SQOR: variants seen among roughly 807,000 people sequenced by gnomAD.
The protein encoded by SQOR is sulfide:quinone oxidoreductase, mitochondrial.
A neutral mutation model predicts 48.6 loss-of-function variants in SQOR; 39 were observed. The observed-to-expected ratio is 0.80, with a 90% confidence interval of 0.62 to 1.05. The LOEUF is 1.05. Among genes scored for constraint, SQOR ranks in the 50% least tolerant of loss-of-function variants. The pLI is 0.00. For missense variants in SQOR, 561 were observed against 559.9 expected (o/e 1.00, Z -0.02); for synonymous variants, 220 against 206.2 (o/e 1.07, Z -0.57).
Position 45,676,184 on chromosome 15 carries a change from G to A in SQOR, c.738G>A (p.Leu246=). The change falls in exon 6 of 10, where the codon CTG becomes CTA. Residue 246 remains leucine, a synonymous_variant. Transcript: ENST00000260324. ...IFGVKKYADA[L]QEIIQERNLT... is the part of the protein sequence containing the mutation. ...GGGTTAAGAAGTATGCAGATGCCCT[G>A]CAGGAGATCATCCAGGAGCGGAACC... 4.3e-6 allele frequency: 7 copies of A among 1,614,196 alleles called. No homozygotes were observed. The highest frequency in any genetic ancestry group is 5.9e-6 in the Non-Finnish European group (7 of 1,180,044).
In SQOR at chr15:45,683,629, A is replaced by G. The variant is rs183178504; in HGVS notation, c.1048+968A>G. 6.3e-4 allele frequency among the ~76,000 whole-genome samples: 96 copies of G among 152,258 alleles called. 1 individual carries two copies. The East Asian group carries it at 0.014, about 22-fold the overall frequency. On this transcript the variant is annotated intron_variant, in intron 7 of 9. Coordinates refer to ENST00000260324, the MANE Select transcript of SQOR (RefSeq NM_021199.4). ...ACAGATTGTGTTACTTTTGCTGACTATTTCAACCTCAAGGTAGACCATCTA... is the reference window on the plus strand; with the variant it reads ...ACAGATTGTGTTACTTTTGCTGACTGTTTCAACCTCAAGGTAGACCATCTA...
intron 4 of SQOR, among the ~76,000 whole-genome samples, chr15:45,670,855 CGTGA>C (rs1204206672): frequency 2.6e-5 from 4 of 152,062 alleles, no homozygotes; most frequent in African/African-American, 9.7e-5. Flanking sequence ...TGCCATGGGT[CGTGA>C]GTCTGTTAGA....
intron 1 of SQOR, among the ~76,000 whole-genome samples, chr15:45,656,297 ATTAATT>A (rs1889609860): frequency 6.6e-6 from 1 of 152,088 alleles, no homozygotes; most frequent in African/African-American, 2.4e-5. Flanking sequence ...TTTTATTAAT[ATTAATT>A]TTATTTATTT....
chr15:45,687,335 C>T (rs1452296874), intron 7 of SQOR, among the ~76,000 whole-genome samples: 1 of 152,232 alleles, frequency 6.6e-6, no homozygotes, highest in African/African-American at 2.4e-5. Context: ...TGGTCTTGAA[C>T]TCCTGACCTC....
chr15:45,657,545 G>T (rs572178974), intron 1 of SQOR, among the ~76,000 whole-genome samples: 4 of 152,146 alleles, frequency 2.6e-5, no homozygotes, highest in South Asian at 2.1e-4. Flanking sequence ...ACAGCTCTAG[G>T]TTGCTTCTCA....
intron 2 of SQOR, 46 bp downstream of exon 2, chr15:45,659,203 T>C (rs1389370101): frequency 7.3e-7 from 1 of 1,372,118 alleles, no homozygotes; most frequent in East Asian, 2.6e-5. Flanking sequence ...TACGTGTGTG[T>C]GTGTGTGAGT....
At chr15:45,645,126 A>G (rs1271959065) in intron 1 of SQOR, among the ~76,000 whole-genome samples, 1 of 152,230 alleles carries the variant, frequency 6.6e-6, no homozygotes, top group East Asian at 1.9e-4. Context: ...GGTTTCATGA[A>G]GTATCTAATG....
chr15:45,638,273 G>A (rs1895041886), intron 1 of SQOR, among the ~76,000 whole-genome samples: 1 of 152,190 alleles, frequency 6.6e-6, no homozygotes, highest in South Asian at 2.1e-4. Context: ...TAGCCCCCAG[G>A]ATCTTAGAAT....
chr15:45,677,205 CCTTT>C (rs916727756), intron 6 of SQOR, among the ~76,000 whole-genome samples: 4 of 151,648 alleles, frequency 2.6e-5, no homozygotes, highest in Admixed American at 1.3e-4. Context: ...TTCCTTCTTT[CCTTT>C]CTTTCTTTCT....
chr15:45,637,157 G>T (rs1419844399), intron 1 of SQOR, among the ~76,000 whole-genome samples: 1 of 152,014 alleles, frequency 6.6e-6, no homozygotes, highest in Non-Finnish European at 1.5e-5. Flanking sequence ...GCTAATTTTT[G>T]TATTTTTTGG....
intron 6 of SQOR, among the ~76,000 whole-genome samples, chr15:45,678,659 T>C (rs572489469): frequency 6.6e-6 from 1 of 152,178 alleles, no homozygotes; most frequent in Admixed American, 6.5e-5. Context: ...AGCTCCTGTG[T>C]AGTTATGCAC....
In SQOR at chr15:45,673,681, A is replaced by G. The variant is rs1204811033; in HGVS notation, c.534A>G (p.Thr178=). 18 of 1,614,130 alleles carry G rather than the reference A, an allele frequency of 1.1e-5. No individual in the cohort carries two copies. Among genetic ancestry groups the G allele is most frequent in the Non-Finnish European group, 6.8e-6 (8 of 1,180,046 alleles). Residue 178 remains threonine (T), a synonymous_variant, in exon 5 of 10, where the codon ACA becomes ACG. Transcript: ENST00000260324. ...SNYSVKTVEK[T]WKALQDFKEG... ...ATTCAGTTAAGACTGTAGAGAAGAC[A>G]TGGAAAGCTCTGCAGGACTTCAAAG...
intron 1 of SQOR, among the ~76,000 whole-genome samples, chr15:45,646,729 C>T (rs1889347315): frequency 6.6e-6 from 1 of 152,120 alleles, no homozygotes; most frequent in Non-Finnish European, 1.5e-5. Context: ...AAATAGACTG[C>T]CACAAGGAAT....
At chr15:45,662,744 A>C (rs569269341) in intron 3 of SQOR, among the ~76,000 whole-genome samples, 9 of 152,324 alleles carry the variant, frequency 5.9e-5, no homozygotes, top group Admixed American at 2.6e-4. Context: ...TAAGAGCAGG[A>C]TGGTGGAAGG....
chr15:45,671,256 A>C (rs1889936658), intron 4 of SQOR, among the ~76,000 whole-genome samples: 1 of 152,152 alleles, frequency 6.6e-6, no homozygotes, highest in Non-Finnish European at 1.5e-5. Flanking sequence ...CCCAGGTTAA[A>C]GCAATCTCCT....
intron 1 of SQOR, among the ~76,000 whole-genome samples, chr15:45,640,336 C>T (rs1055418086): frequency 3.3e-5 from 5 of 152,162 alleles, no homozygotes; most frequent in Non-Finnish European, 7.3e-5. Flanking sequence ...CAATCTGATC[C>T]TTTATTCCAT....
intron 6 of SQOR, 70 bp downstream of exon 6, chr15:45,676,380 TCACAC>T: frequency 1.4e-6 from 2 of 1,417,316 alleles, no homozygotes; most frequent in Non-Finnish European, 2.0e-6. Context: ...ACATGGGGGC[TCACAC>T]CACCCTATCT....
chr15:45,648,914 C>G (rs1170750714), intron 1 of SQOR, among the ~76,000 whole-genome samples: 1 of 152,204 alleles, frequency 6.6e-6, no homozygotes, highest in Non-Finnish European at 1.5e-5. Context: ...GCAGAGTGGG[C>G]CCAGCCTGGC....
intron 2 of SQOR, among the ~76,000 whole-genome samples, chr15:45,661,290 T>TAAAAAAAAAAAAAAAA (rs34286267): frequency 1.5e-5 from 1 of 67,528 alleles, no homozygotes; most frequent in Non-Finnish European, 2.8e-5. Flanking sequence ...GACTCTGTCT[T>TAAAAAAAAAAAAAAAA]AAAAAAAAAA....
Sources: allele counts gnomAD v4.1 joint callset (sites outside exome capture counted in the v4.1 genomes callset), GRCh38; gene constraint gnomAD v4.1.1; transcripts MANE v1.5; gene names NCBI Gene and HGNC (gene_info 2026-07-23, HGNC 2026-07-21).